RABGAP1: variants seen among roughly 807,000 people sequenced by gnomAD.
The protein encoded by RABGAP1 is RAB GTPase activating protein 1.
A neutral mutation model predicts 137.6 loss-of-function variants in RABGAP1; 23 were observed. That is an observed-to-expected ratio of 0.17 (90% CI 0.12 to 0.24). The LOEUF (loss-of-function observed/expected upper bound fraction) is 0.24. Among genes scored for constraint, RABGAP1 ranks in the 10% least tolerant of loss-of-function variants. RABGAP1 has a pLI of 1.00. For synonymous variants in RABGAP1, 451 were observed against 450.7 expected (o/e 1.00, Z -0.01); for missense variants, 906 against 1,275.8 (o/e 0.71, Z 4.42).
At chr9:122,985,523 G>T (rs1028286560) in intron 3 of RABGAP1, among the ~76,000 whole-genome samples, 1 of 146,476 alleles carries the variant, frequency 6.8e-6, no homozygotes, top group African/African-American at 2.5e-5. Flanking sequence ...GAGGCAGCGG[G>T]AATTGCTTGA....
chr9:123,035,600 A>G, intron 13 of RABGAP1: 1 of 1,588,574 alleles, frequency 6.3e-7, no homozygotes, highest in Non-Finnish European at 8.5e-7. Flanking sequence ...GGCCCTCTTA[A>G]TGGATGTCAT....
At position 123,097,728 on chromosome 9, in the gene RABGAP1, T is replaced by G. The variant is rs781183908; in HGVS notation, c.2629-13T>G. 1 of 1,597,674 alleles carries G rather than the reference T, an allele frequency of 6.3e-7. No individual in the cohort carries two copies. The highest frequency in any genetic ancestry group is 1.1e-5 in the South Asian group (1 of 87,868). ...AATTCTTGTTTTGTGACAGCATATC[T>G]TAAATGTTTCAGGCTGAGGAAAAGG... On this transcript the variant is annotated splice_polypyrimidine_tract_variant and intron_variant, in intron 21 of 25. Coordinates refer to ENST00000373647, the MANE Select transcript of RABGAP1 (RefSeq NM_012197.4).
Position 122,957,065 on chromosome 9 carries a change from T to C in RABGAP1, c.6T>C (p.Asp2=). The stretch of plus-strand genomic sequence containing the variant: ...TTGAGACTCATTCTTGAGTTATGGA[T>C]GACAAGGCTTCTGTTGGAAAAATCA... The part of the protein sequence containing the change: M[D]DKASVGKISV... Residue 2 remains aspartate, a synonymous_variant, in exon 2 of 26, where the codon GAT becomes GAC. Transcript: ENST00000373647. 6.6e-7 allele frequency: 1 copy of C among 1,514,468 alleles called. No homozygotes were observed. 93.8% of individuals were successfully genotyped at this position (1,514,468 alleles called of 1,614,324 possible).
At chr9:123,086,795 C>G (rs887394382) in intron 19 of RABGAP1, among the ~76,000 whole-genome samples, 2 of 152,120 alleles carry the variant, frequency 1.3e-5, no homozygotes, top group African/African-American at 2.4e-5. Flanking sequence ...TCTGGACCAG[C>G]AAAGTCTGTG....
chr9:122,962,855 A>G (rs1189532015), intron 2 of RABGAP1, among the ~76,000 whole-genome samples: 3 of 152,224 alleles, frequency 2.0e-5, no homozygotes, highest in African/African-American at 7.2e-5. Flanking sequence ...TTAGGTTTAG[A>G]GATACAAATA....
At chr9:123,000,802 A>G (rs1837285903) in intron 10 of RABGAP1, among the ~76,000 whole-genome samples, 1 of 150,004 alleles carries the variant, frequency 6.7e-6, no homozygotes, top group Non-Finnish European at 1.5e-5. Flanking sequence ...GGCATGAGCC[A>G]GCACACCTGG....
Position 122,989,425 on chromosome 9 carries a change from C to A in RABGAP1, c.719C>A (p.Ala240Glu), listed in dbSNP as rs1268248679. 1.9e-6 allele frequency: 3 copies of A among 1,614,056 alleles called. No homozygotes were observed. Among genetic ancestry groups the A allele is most frequent in the Non-Finnish European group, 2.5e-6 (3 of 1,180,002 alleles). The change falls in exon 5 of 26, where the codon GCA (alanine) becomes GAA (glutamate). Residue 240 changes from alanine (A) to glutamate (E), a missense_variant. Ala to Glu is a moderately radical substitution (Grantham distance 107). Coordinates refer to ENST00000373647, the MANE Select transcript of RABGAP1 (RefSeq NM_012197.4). ...CFAFTESHYN[A>E]ELFRIHVFRC... ...GCTTTCACTGAAAGTCATTACAATG[C>A]AGAGCTCTTCAGAATACACGTCTTC...
chr9:123,033,192 G>A (rs188948518), intron 13 of RABGAP1, among the ~76,000 whole-genome samples: 6 of 152,260 alleles, frequency 3.9e-5, no homozygotes, highest in Non-Finnish European at 7.4e-5. Context: ...GCTGAATTAT[G>A]ATTCTCAGTT....
intron 2 of RABGAP1, among the ~76,000 whole-genome samples, chr9:122,963,701 C>T (rs1834975823): frequency 6.6e-6 from 1 of 152,040 alleles, no homozygotes; most frequent in African/African-American, 2.4e-5. Context: ...AACGTTCCAC[C>T]TTAAGACCCT....
chr9:123,089,358 G>A (rs375392699), intron 19 of RABGAP1, among the ~76,000 whole-genome samples: 2 of 152,252 alleles, frequency 1.3e-5, no homozygotes, highest in East Asian at 1.9e-4. Context: ...CCTATAAGAT[G>A]AGGATGAGAA....
intron 2 of RABGAP1, among the ~76,000 whole-genome samples, chr9:122,959,866 C>T (rs1484009512): frequency 6.6e-6 from 1 of 152,202 alleles, no homozygotes; most frequent in Non-Finnish European, 1.5e-5. Context: ...GCTCCTGGGA[C>T]AGAGGCTTTA....
chr9:123,020,038 CTTTT>C (rs1214217042), intron 12 of RABGAP1, among the ~76,000 whole-genome samples: 2 of 142,762 alleles, frequency 1.4e-5, no homozygotes, highest in Admixed American at 7.2e-5. Context: ...TCCAGTTTTG[CTTTT>C]TTTTTTTTTT....
intron 24 of RABGAP1, among the ~76,000 whole-genome samples, chr9:123,099,832 T>C (rs1277693993): frequency 2.0e-5 from 3 of 152,204 alleles, no homozygotes; most frequent in Non-Finnish European, 4.4e-5. Context: ...AGTGTGATGC[T>C]GAGGAGAAGG....
At chr9:123,076,469 C>A (rs966009352) in intron 18 of RABGAP1, among the ~76,000 whole-genome samples, 165 bp from the exon 19 acceptor site, 3 of 152,102 alleles carry the variant, frequency 2.0e-5, no homozygotes, top group African/African-American at 7.2e-5. Context: ...TGCTGGAAAT[C>A]TAGCATTACC....
At chr9:122,983,695 TC>T (rs1836206901) in intron 2 of RABGAP1, among the ~76,000 whole-genome samples, 1 of 152,192 alleles carries the variant, frequency 6.6e-6, no homozygotes, top group Non-Finnish European at 1.5e-5. Context: ...TCCCATGACT[TC>T]GTTTTTCTAA....
At chr9:122,995,539 T>A (rs570045526) in intron 6 of RABGAP1, among the ~76,000 whole-genome samples, 1 of 151,924 alleles carries the variant, frequency 6.6e-6, no homozygotes, top group Non-Finnish European at 1.5e-5. Flanking sequence ...ATAAATGCTT[T>A]AGTGGTTTAC....
At chr9:123,081,494 T>A (rs111669706) in intron 19 of RABGAP1, among the ~76,000 whole-genome samples, 3 of 152,238 alleles carry the variant, frequency 2.0e-5, no homozygotes, top group African/African-American at 7.2e-5. Flanking sequence ...TGGAATGTAG[T>A]GGCACAGTCA....
At position 122,986,186 on chromosome 9, in the gene RABGAP1, A is replaced by T. The variant is rs780749269; in HGVS notation, c.386-29A>T. 9 of 1,584,786 alleles carry T rather than the reference A, an allele frequency of 5.7e-6. No homozygotes were observed. In the African/African-American group the frequency reaches 1.2e-4, roughly 21 times the overall value. On this transcript the variant is annotated intron_variant, in intron 3 of 25. Coordinates refer to ENST00000373647, the MANE Select transcript of RABGAP1 (RefSeq NM_012197.4). ...TCAACAAAATATCAAAGTGAAAGTA[A>T]TCACTTCCTTATTCATTGTTTCTTT...
intron 13 of RABGAP1, among the ~76,000 whole-genome samples, chr9:123,021,913 A>G (rs910724044): frequency 2.0e-5 from 3 of 152,228 alleles, no homozygotes; most frequent in South Asian, 2.1e-4. Flanking sequence ...AGAAGTTAAC[A>G]GTTCTATCTG....
Sources: allele counts gnomAD v4.1 joint callset (sites outside exome capture counted in the v4.1 genomes callset), GRCh38; gene constraint gnomAD v4.1.1; transcripts MANE v1.5; gene names NCBI Gene and HGNC (gene_info 2026-07-23, HGNC 2026-07-21).